The following TP53BP1 variants were observed in gnomAD, a reference collection of about 807,000 sequenced individuals.
TP53BP1 encodes tumor protein p53 binding protein 1.
TP53BP1 carries 61 observed loss-of-function variants against 200.8 expected under a neutral mutation model. The ratio of observed to expected loss-of-function variants is 0.30; its 90% CI spans 0.25 to 0.38. TP53BP1 has a LOEUF of 0.38. TP53BP1 is among the 10% of genes least tolerant of loss of function. TP53BP1 has a pLI of 1.00. For missense variants in TP53BP1, 2,144 were observed against 2,371.9 expected (o/e 0.90, Z 2.00); for synonymous variants, 822 against 844.3 (o/e 0.97, Z 0.46).
chr15:43,497,533 C>T, upstream of TP53BP1: 2 of 777,750 alleles, frequency 2.6e-6, no homozygotes, highest in Non-Finnish European at 3.1e-6. Context: ...TTCCTGGAAG[C>T]CAGTACTATA....
intron 12 of TP53BP1, among the ~76,000 whole-genome samples, chr15:43,450,601 T>A (rs1168493721): frequency 1.3e-5 from 2 of 152,228 alleles, no homozygotes; most frequent in Non-Finnish European, 2.9e-5. Context: ...CCACCAAATA[T>A]TTGTTCTGTG....
intron 1 of TP53BP1, among the ~76,000 whole-genome samples, chr15:43,503,658 C>CA (rs966267823): frequency 8.1e-4 from 118 of 145,376 alleles, no homozygotes; most frequent in Non-Finnish European, 1.3e-3. Context: ...GACTCCATCT[C>CA]AAAAAAAAAA....
intron 14 of TP53BP1, 86 bp downstream of exon 14, chr15:43,446,301 A>G: frequency 1.0e-6 from 1 of 991,852 alleles, no homozygotes; most frequent in South Asian, 1.6e-5. Context: ...TAAATATAGA[A>G]GTATCAATTA....
chr15:43,436,697 C>T (rs1003007075), intron 16 of TP53BP1, among the ~76,000 whole-genome samples: 9 of 151,046 alleles, frequency 6.0e-5, no homozygotes, highest in African/African-American at 2.2e-4. Flanking sequence ...CACCCAGGCT[C>T]ATCTCAAACT....
Position 43,405,104 on chromosome 15 carries a change from T to G in TP53BP1, c.*2279A>C. 3.6e-6 allele frequency: 5 copies of G among 1,389,612 alleles called. No individual in the cohort carries two copies. The highest frequency in any genetic ancestry group is 5.0e-6 in the Non-Finnish European group (5 of 990,198). 86.1% of individuals were successfully genotyped at this position (1,389,612 alleles called of 1,614,324 possible). On this transcript the variant is annotated 3_prime_UTR_variant, in exon 28 of 28. Coordinates refer to ENST00000382044, the MANE Select transcript of TP53BP1 (RefSeq NM_001141980.3). Reference sequence around the variant, plus strand: ...CAAAAGAAACTCTTCAGTTTTAAGATGACATTATTTAGATCACAGGTTATC... The same window carrying G: ...CAAAAGAAACTCTTCAGTTTTAAGAGGACATTATTTAGATCACAGGTTATC...
chr15:43,503,658 CA>C (rs966267823), intron 1 of TP53BP1, among the ~76,000 whole-genome samples: 36 of 145,308 alleles, frequency 2.5e-4, no homozygotes, highest in Admixed American at 4.1e-4. Context: ...GACTCCATCT[CA>C]AAAAAAAAAA....
chr15:43,479,709 A>C (rs2140121711), intron 6 of TP53BP1, 150 bp downstream of exon 6: 2 of 1,155,996 alleles, frequency 1.7e-6, no homozygotes, highest in East Asian at 2.5e-5. Context: ...CCAACAATTG[A>C]CAAGTATTTA....
In TP53BP1 at chr15:43,425,068, C is replaced by T. The variant is rs537077287; in HGVS notation, c.3829-2942G>A. ...GGCAATGTGATACCCTGTGTTGCCT[C>T]GGGACTCTTCAGAGTCCCCTCCAGC... On this transcript the variant is annotated intron_variant, in intron 18 of 27. Coordinates refer to ENST00000382044, the MANE Select transcript of TP53BP1 (RefSeq NM_001141980.3). 5.3e-5 allele frequency among the ~76,000 whole-genome samples: 8 copies of T among 152,250 alleles called. No homozygotes were observed. The South Asian group carries it at 1.7e-3, about 32-fold the overall frequency.
chr15:43,428,004 AGTAT>A lies in TP53BP1; in HGVS notation c.3828+8_3828+11del. ...AAAGAAATTTGCCACACAGACTCAG[AGTAT>A]GTATTACCTCAGTTACTTTTCTTTC... is the stretch of plus-strand genomic sequence containing the variant. On this transcript the variant is annotated splice_region_variant and intron_variant, in intron 18 of 27. Coordinates refer to ENST00000382044, the MANE Select transcript of TP53BP1 (RefSeq NM_001141980.3). The A allele has an allele frequency of 6.4e-7, 1 of 1,561,822 alleles. No individual in the cohort carries two copies. Among genetic ancestry groups the A allele is most frequent in the Non-Finnish European group, 8.7e-7 (1 of 1,146,810 alleles).
At chr15:43,504,535 G>A (rs529749448) in intron 1 of TP53BP1, among the ~76,000 whole-genome samples, 48 of 152,128 alleles carry the variant, frequency 3.2e-4, no homozygotes, top group Non-Finnish European at 5.0e-4. Flanking sequence ...GTTTGAGTTC[G>A]GTCATATCCC....
chr15:43,457,765 T>A (rs1161545357), intron 11 of TP53BP1, among the ~76,000 whole-genome samples: 1 of 142,186 alleles, frequency 7.0e-6, no homozygotes, highest in East Asian at 2.4e-4. Flanking sequence ...ATGCCTATTA[T>A]CCCAGCATTT....
chr15:43,446,001 C>A (rs1205395087), intron 14 of TP53BP1, among the ~76,000 whole-genome samples: 1 of 152,118 alleles, frequency 6.6e-6, no homozygotes, highest in Admixed American at 6.6e-5. Context: ...GCATCTGGTC[C>A]CTACTTTGCA....
chr15:43,477,785 A>G (rs544724430), intron 7 of TP53BP1, 26 bp from the exon 8 acceptor site: 2 of 1,489,570 alleles, frequency 1.3e-6, no homozygotes, highest in South Asian at 1.4e-5. Flanking sequence ...CACCAGGAGA[A>G]AAAGTTCCTA....
At chr15:43,491,795 A>G in intron 3 of TP53BP1, 42 bp from the exon 4 acceptor site, 1 of 1,503,180 alleles carries the variant, frequency 6.7e-7, no homozygotes. Context: ...GACATTTACC[A>G]ACAAACCTTA....
intron 21 of TP53BP1, 60 bp from the exon 22 acceptor site, chr15:43,416,476 C>A: frequency 1.3e-6 from 2 of 1,522,920 alleles, no homozygotes; most frequent in South Asian, 1.2e-5. Context: ...AGCACCCTCT[C>A]ACAAGGGCTC....
chr15:43,486,078 CA>C lies in TP53BP1; in HGVS notation c.372-5057del, dbSNP rs929171373. On this transcript the variant is annotated intron_variant, in intron 4 of 27. Transcript: ENST00000382044. ...CAAAAATTGAGAGGGTGAAAACAAA[CA>C]AAAAAAAAATTGGGAGGGCCGCGGA... is the stretch of plus-strand genomic sequence containing the variant. Among the ~76,000 whole-genome samples the C allele has an allele frequency of 1.6e-4, 24 of 148,592 alleles. No homozygotes were observed. The East Asian group carries it at 3.5e-3, about 22-fold the overall frequency.
chr15:43,441,456 T>C, intron 15 of TP53BP1, 70 bp downstream of exon 15: 1 of 1,024,842 alleles, frequency 9.8e-7, no homozygotes, highest in Non-Finnish European at 1.5e-6. Flanking sequence ...TTTTCCTTTG[T>C]TGATAAACCA....
intron 16 of TP53BP1, among the ~76,000 whole-genome samples, chr15:43,433,654 G>A (rs1396713313): frequency 6.6e-6 from 1 of 151,970 alleles, no homozygotes; most frequent in Non-Finnish European, 1.5e-5. Flanking sequence ...TCCATTACAC[G>A]CACAATAGCC....
chr15:43,494,516 T>G (rs1028951769), upstream of TP53BP1, among the ~76,000 whole-genome samples: 9 of 152,244 alleles, frequency 5.9e-5, no homozygotes, highest in African/African-American at 2.2e-4. Context: ...GTCGCCAGTA[T>G]GTTTTATTAG....
Sources: gnomAD v4.1 joint callset for allele counts (sites outside exome capture counted in the v4.1 genomes callset) on GRCh38, gnomAD v4.1.1 for gene constraint, MANE v1.5 for transcripts, NCBI Gene and HGNC (gene_info 2026-07-23, HGNC 2026-07-21) for gene names.